The following SHROOM3 variants were observed in gnomAD, a reference collection of about 807,000 sequenced individuals.
SHROOM3 encodes protein Shroom3.
In SHROOM3, 47 loss-of-function variants were observed where a neutral mutation model predicts 138.6. The ratio of observed to expected loss-of-function variants is 0.34; its 90% CI spans 0.27 to 0.43. The LOEUF (loss-of-function observed/expected upper bound fraction) is 0.43. SHROOM3 is among the 20% of genes least tolerant of loss of function. The pLI, the probability that SHROOM3 is intolerant of heterozygous loss-of-function variation, is 1.00. For missense variants in SHROOM3, 2,491 were observed against 2,596.5 expected (o/e 0.96, Z 0.88); for synonymous variants, 1,062 against 1,063.3 (o/e 1.00, Z 0.02).
intron 2 of SHROOM3, among the ~76,000 whole-genome samples, chr4:76,693,782 T>A (rs944627502): frequency 4.0e-5 from 6 of 151,198 alleles, no homozygotes; most frequent in African/African-American, 1.5e-4. Flanking sequence ...CCAGCAGAAG[T>A]AAACTCCAAA....
At chr4:76,459,124 TG>T (rs1731090113) in intron 1 of SHROOM3, among the ~76,000 whole-genome samples, 1 of 152,208 alleles carries the variant, frequency 6.6e-6, no homozygotes, top group East Asian at 1.9e-4. Flanking sequence ...AGAATAGGGA[TG>T]TTTTTTCCTA....
At chr4:76,605,379 T>C (rs1400859356) in intron 2 of SHROOM3, among the ~76,000 whole-genome samples, 1 of 152,140 alleles carries the variant, frequency 6.6e-6, no homozygotes, top group Non-Finnish European at 1.5e-5. Context: ...ACAGTTCTCA[T>C]TATAAAAATT....
intron 2 of SHROOM3, among the ~76,000 whole-genome samples, chr4:76,560,840 G>A (rs549570393): frequency 2.2e-4 from 33 of 152,342 alleles, no homozygotes; most frequent in Admixed American, 6.5e-4. Context: ...TGATGGCATA[G>A]GCACTAGCTT....
In SHROOM3 at chr4:76,671,961, A is replaced by G. The variant is rs545422195; in HGVS notation, c.324-38195A>G. On this transcript the variant is annotated intron_variant, in intron 2 of 10. Coordinates refer to ENST00000296043, the MANE Select transcript of SHROOM3 (RefSeq NM_020859.4). ...CTTTGGGCATCACGTCAGTGCTCAAAAAGTTTCAGATTTTGGGGCAGTTTG... is the reference window on the plus strand; with the variant it reads ...CTTTGGGCATCACGTCAGTGCTCAAGAAGTTTCAGATTTTGGGGCAGTTTG... Among the ~76,000 whole-genome samples, 112 of 152,306 alleles carry G rather than the reference A, an allele frequency of 7.4e-4. 1 individual carries two copies. The highest frequency in any genetic ancestry group is 3.4e-3 in the Middle Eastern group (1 of 294).
intron 1 of SHROOM3, among the ~76,000 whole-genome samples, chr4:76,532,661 G>A (rs1732857271): frequency 6.6e-6 from 1 of 152,200 alleles, no homozygotes; most frequent in Non-Finnish European, 1.5e-5. Context: ...AGGTGTGATA[G>A]CAAAACTAGC....
intron 2 of SHROOM3, among the ~76,000 whole-genome samples, chr4:76,699,906 G>A (rs968873817): frequency 2.0e-5 from 3 of 152,128 alleles, no homozygotes; most frequent in African/African-American, 2.4e-5. Flanking sequence ...GGGTCTGAGC[G>A]TTGGCTGAGT....
intron 2 of SHROOM3, among the ~76,000 whole-genome samples, chr4:76,602,433 A>G (rs1734525135): frequency 6.6e-6 from 1 of 152,194 alleles, no homozygotes; most frequent in South Asian, 2.1e-4. Flanking sequence ...CTGTTAAAAT[A>G]CAGAAATTTA....
At chr4:76,735,336 A>C (rs1721003850) in intron 4 of SHROOM3, among the ~76,000 whole-genome samples, 1 of 152,148 alleles carries the variant, frequency 6.6e-6, no homozygotes, top group Non-Finnish European at 1.5e-5. Flanking sequence ...AGTGAGTGAT[A>C]TCAGTGCCTG....
chr4:76,573,290 T>A (rs2110039175), intron 2 of SHROOM3, among the ~76,000 whole-genome samples: 1 of 151,300 alleles, frequency 6.6e-6, no homozygotes, highest in Non-Finnish European at 1.5e-5. Flanking sequence ...TACCCAATTT[T>A]ATCTACCAAA....
intron 1 of SHROOM3, among the ~76,000 whole-genome samples, chr4:76,510,596 A>G (rs1261478967): frequency 1.1e-4 from 17 of 152,246 alleles, no homozygotes; most frequent in African/African-American, 3.9e-4. Context: ...TCTCGTTGTC[A>G]TTGGTCACCT....
chr4:76,614,666 A>T (rs1299099837), intron 2 of SHROOM3, among the ~76,000 whole-genome samples: 1 of 151,952 alleles, frequency 6.6e-6, no homozygotes, highest in Non-Finnish European at 1.5e-5. Context: ...ACAGGCCCTG[A>T]TGTGTGGTGT....
At chr4:76,485,255 G>C (rs1018332243) in intron 1 of SHROOM3, among the ~76,000 whole-genome samples, 2 of 152,166 alleles carry the variant, frequency 1.3e-5, no homozygotes, top group Non-Finnish European at 2.9e-5. Context: ...TGAAAGGAAG[G>C]ATTTTGAGCT....
Position 76,739,682 on chromosome 4 carries a change from C to A in SHROOM3, c.1509C>A (p.Ala503=). 6.2e-7 allele frequency: 1 copy of A among 1,614,152 alleles called. No individual in the cohort carries two copies. The highest frequency in any genetic ancestry group is 8.5e-7 in the Non-Finnish European group (1 of 1,180,038). ...TGGCCAAGGAGAGTGGATACATAGC[C>A]CCTCAGGGAGCATGCAACAAGATGG... ...PALAKESGYI[A]PQGACNKMAT... Residue 503 remains alanine, a synonymous_variant, in exon 5 of 11, where the codon GCC becomes GCA. Coordinates refer to ENST00000296043, the MANE Select transcript of SHROOM3 (RefSeq NM_020859.4).
intron 2 of SHROOM3, among the ~76,000 whole-genome samples, chr4:76,615,678 T>C (rs907522599): frequency 6.6e-6 from 1 of 152,166 alleles, no homozygotes; most frequent in South Asian, 2.1e-4. Flanking sequence ...GAGGTGCTCA[T>C]GGCCAGGTCT....
chr4:76,536,569 A>T (rs1314819426), intron 1 of SHROOM3, among the ~76,000 whole-genome samples: 1 of 152,238 alleles, frequency 6.6e-6, no homozygotes, highest in East Asian at 1.9e-4. Flanking sequence ...ATACAAGATC[A>T]TAACTTTAAT....
chr4:76,614,797 G>C (rs147478938), intron 2 of SHROOM3, among the ~76,000 whole-genome samples: 42 of 152,294 alleles, frequency 2.8e-4, no homozygotes, highest in African/African-American at 8.9e-4. Context: ...GGAATAACAT[G>C]GTATAGGCCA....
rs561528518 is a variant in SHROOM3 at position 76,779,385 on chromosome 4, G to A, written c.*208G>A. 498 of 579,836 alleles carry A rather than the reference G, an allele frequency of 8.6e-4. 1 individual carries two copies. The highest frequency in any genetic ancestry group is 1.3e-3 in the Non-Finnish European group (455 of 337,042). 35.9% of individuals were successfully genotyped at this position (579,836 alleles called of 1,614,324 possible). A position where few individuals can be genotyped will look rare whatever the true frequency, so the allele number is the denominator to read the frequency against. ...TGAGAGCTCGAATGCTGCTGGACAC[G>A]TACCCCTTTCTATTATTACTTTGTA... On this transcript the variant is annotated 3_prime_UTR_variant, in exon 11 of 11. Transcript: ENST00000296043.
At chr4:76,528,656 G>A (rs147007091) in intron 1 of SHROOM3, among the ~76,000 whole-genome samples, 9 of 150,032 alleles carry the variant, frequency 6.0e-5, no homozygotes, top group East Asian at 2.0e-4. Flanking sequence ...GGGTTCAAGC[G>A]ATTCTCCTGC....
chr4:76,463,133 C>A (rs969332014), intron 1 of SHROOM3, among the ~76,000 whole-genome samples: 25 of 152,138 alleles, frequency 1.6e-4, no homozygotes, highest in African/African-American at 6.0e-4. Context: ...GACCAAAATG[C>A]TGATAGTGAT....
Sources: allele counts gnomAD v4.1 joint callset (sites outside exome capture counted in the v4.1 genomes callset), GRCh38; gene constraint gnomAD v4.1.1; transcripts MANE v1.5; gene names NCBI Gene and HGNC (gene_info 2026-07-23, HGNC 2026-07-21).